Variants in DIPK2B observed in about 807,000 individuals in gnomAD.
DIPK2B encodes the protein divergent protein kinase domain 2B.
Under a neutral mutation model 22.2 loss-of-function variants are expected in DIPK2B, and 15 were observed. That is an observed-to-expected ratio of 0.68 (90% CI 0.45 to 1.04). DIPK2B has a LOEUF of 1.04. Ranked by LOEUF, DIPK2B falls within the 50% of genes least tolerant of loss-of-function variation. The pLI, the probability that DIPK2B is intolerant of heterozygous loss-of-function variation, is 0.00. For synonymous variants in DIPK2B, 163 were observed against 153.2 expected, an observed-to-expected ratio of 1.06 and a Z score of -0.47; for missense variants, 345 against 348.3, an observed-to-expected ratio of 0.99 and a Z score of 0.08.
At chrX:45,186,591 T>C (rs1041533690) in intron 2 of DIPK2B, among the ~76,000 whole-genome samples, 16 of 112,813 alleles carry the variant, frequency 1.4e-4, no homozygotes, top group African/African-American at 5.2e-4. Flanking sequence ...AGTCATGTTC[T>C]TTGTTAAAAC....
intron 4 of DIPK2B, 124 bp from the exon 5 acceptor site, chrX:45,152,116 G>A: frequency 1.6e-6 from 1 of 619,306 alleles, no homozygotes; most frequent in Non-Finnish European, 2.5e-6. Flanking sequence ...CCAGCACTTT[G>A]GGAGGCTGAG....
intron 2 of DIPK2B, among the ~76,000 whole-genome samples, chrX:45,159,524 C>T (rs1479431099): frequency 9.0e-6 from 1 of 111,542 alleles, no homozygotes; most frequent in African/African-American, 3.3e-5. Flanking sequence ...CTTATCTTTA[C>T]TGGGAATGAG....
intron 1 of DIPK2B, among the ~76,000 whole-genome samples, chrX:45,198,044 A>G (rs1189543440): frequency 8.9e-6 from 1 of 112,740 alleles, no homozygotes; most frequent in Admixed American, 9.3e-5. Flanking sequence ...TGAACCTGTT[A>G]AAAATCAAAG....
chrX:45,170,928 G>T (rs965750680), intron 2 of DIPK2B, among the ~76,000 whole-genome samples: 8 of 112,035 alleles, frequency 7.1e-5, no homozygotes, highest in Non-Finnish European at 1.5e-4. Context: ...TGCTGTGCTC[G>T]CCTGCAATGA....
chrX:45,197,399 G>T (rs1376199555), intron 1 of DIPK2B, among the ~76,000 whole-genome samples: 1 of 111,571 alleles, frequency 9.0e-6, no homozygotes, highest in African/African-American at 3.3e-5. Context: ...CGCCATGTCC[G>T]GCTAATTTTT....
In DIPK2B at chrX:45,155,810, T is replaced by C. The variant is rs191315743; in HGVS notation, c.673-1612A>G. ...AAAGCAGCTATATCTAGAATGGCTA[T>C]ATCAGCACTTTATTGCTTGTTTTCC... On this transcript the variant is annotated intron_variant, in intron 3 of 4. Transcript: ENST00000398000. 3.3e-3 allele frequency among the ~76,000 whole-genome samples: 361 copies of C among 110,354 alleles called. 1 individual carries two copies. Among genetic ancestry groups the C allele is most frequent in the African/African-American group, 0.011 (340 of 30,297 alleles).
chrX:45,187,650 T>C (rs1176562212), intron 2 of DIPK2B, among the ~76,000 whole-genome samples: 1 of 111,801 alleles, frequency 8.9e-6, no homozygotes, highest in Admixed American at 9.5e-5. Context: ...AGCCCGGGAC[T>C]CCCTGGCTCA....
At chrX:45,156,878 C>T (rs1370324369) in intron 3 of DIPK2B, among the ~76,000 whole-genome samples, 1 of 110,299 alleles carries the variant, frequency 9.1e-6, no homozygotes, top group African/African-American at 3.3e-5. Flanking sequence ...TCTACCTGCA[C>T]CTTTTCCCCC....
chrX:45,154,295 C>CTATCTA (rs2148332961), intron 3 of DIPK2B, 97 bp from the exon 4 acceptor site: 1 of 615,175 alleles, frequency 1.6e-6, no homozygotes, highest in East Asian at 3.6e-5. Flanking sequence ...ATCTATCTAT[C>CTATCTA]TATCTATCTA....
intron 2 of DIPK2B, chrX:45,163,408 A>G: frequency 6.6e-6 from 5 of 754,417 alleles, no homozygotes; most frequent in Non-Finnish European, 7.8e-6. Flanking sequence ...ACACTCGTTC[A>G]TTACAAAAAT....
At chrX:45,177,871 T>C (rs2148343903) in intron 2 of DIPK2B, among the ~76,000 whole-genome samples, 1 of 111,633 alleles carries the variant, frequency 9.0e-6, no homozygotes. Flanking sequence ...ACCTTTAAGT[T>C]ATGAATAGTG....
At chrX:45,160,253 G>A (rs772048425) in intron 2 of DIPK2B, among the ~76,000 whole-genome samples, 1 of 109,123 alleles carries the variant, frequency 9.2e-6, no homozygotes, top group East Asian at 2.9e-4. Flanking sequence ...TGTCCCCCAG[G>A]CTGGAATGTA....
Position 45,155,431 on chromosome X carries a change from A to AATAT in DIPK2B, c.673-1237_673-1234dup, listed in dbSNP as rs1556395211. The stretch of plus-strand genomic sequence containing the variant: ...GAGCGTGACTCTGTCTCAAAAAAAA[A>AATAT]ATATATATATATATATATATTTATA... On this transcript the variant is annotated intron_variant, in intron 3 of 4. Coordinates refer to ENST00000398000, the MANE Select transcript of DIPK2B (RefSeq NM_176819.4). 1.3e-3 allele frequency among the ~76,000 whole-genome samples: 124 copies of AATAT among 96,375 alleles called. 3 individuals carry two copies. The East Asian group carries it at 0.023, about 18-fold the overall frequency. The allele number at this position is 96,375 out of a possible 115,157, so 83.7% of individuals were successfully genotyped here.
intron 2 of DIPK2B, among the ~76,000 whole-genome samples, chrX:45,179,709 A>G (rs2047138759): frequency 9.0e-6 from 1 of 111,694 alleles, no homozygotes; most frequent in Non-Finnish European, 1.9e-5. Flanking sequence ...AATAAATCTA[A>G]CAACAGAGAA....
At chrX:45,181,621 A>G (rs1183827040) in intron 2 of DIPK2B, among the ~76,000 whole-genome samples, 1 of 111,986 alleles carries the variant, frequency 8.9e-6, no homozygotes, top group African/African-American at 3.2e-5. Context: ...TGGTTTTTCT[A>G]AAATATGCTT....
intron 2 of DIPK2B, among the ~76,000 whole-genome samples, chrX:45,189,158 G>T (rs1467608993): frequency 8.9e-6 from 1 of 112,385 alleles, no homozygotes; most frequent in East Asian, 2.8e-4. Context: ...CTCCCAAAGT[G>T]CTTGGATTAT....
chrX:45,183,274 A>G (rs1183468706), intron 2 of DIPK2B: 1 of 111,709 alleles, frequency 9.0e-6, no homozygotes, highest in African/African-American at 3.3e-5. Context: ...TTGATGGGAA[A>G]AAGGTGAAGC....
chrX:45,171,580 A>T (rs2047081850), intron 2 of DIPK2B, among the ~76,000 whole-genome samples: 1 of 110,373 alleles, frequency 9.1e-6, no homozygotes, highest in African/African-American at 3.3e-5. Context: ...GGGCCGTGAC[A>T]CTTGCTCTAC....
chrX:45,168,536 C>T (rs146312617), intron 2 of DIPK2B, among the ~76,000 whole-genome samples: 5 of 112,178 alleles, frequency 4.5e-5, no homozygotes, highest in African/African-American at 1.6e-4. Flanking sequence ...TTTCCTTGGG[C>T]GGAGCTTCTT....
Sources: gnomAD v4.1 joint callset for allele counts (sites outside exome capture counted in the v4.1 genomes callset) on GRCh38, gnomAD v4.1.1 for gene constraint, MANE v1.5 for transcripts, NCBI Gene and HGNC (gene_info 2026-07-23, HGNC 2026-07-21) for gene names.